Variants in FNDC3B observed in about 807,000 individuals in gnomAD.
FNDC3B encodes the protein fibronectin type III domain containing 3B, also known as fibronectin type III domain-containing protein 3B.
In FNDC3B, 12 loss-of-function variants were observed where a neutral mutation model predicts 151.5. The observed-to-expected ratio is 0.08, with a 90% CI of 0.05 to 0.13. The LOEUF is 0.13. Ranked by LOEUF, FNDC3B falls within the 10% of genes least tolerant of loss-of-function variation. The probability of loss-of-function intolerance (pLI) is 1.00; values close to 1 mark genes in which losing one functional copy is unlikely to be tolerated. For synonymous variants in FNDC3B, 528 were observed against 549.0 expected, an observed-to-expected ratio of 0.96 and a Z score of 0.54; for missense variants, 1,214 against 1,505.3, an observed-to-expected ratio of 0.81 and a Z score of 3.20.
chr3:172,281,061 AGG>A (rs10576197), intron 6 of FNDC3B, among the ~76,000 whole-genome samples: 29,790 of 151,762 alleles, frequency 0.2, 4,257 homozygotes, highest in African/African-American at 0.41. Context: ...ATTTCCAGAT[AGG>A]CTGGTTCTCA....
chr3:172,239,061 T>C (rs540513788), intron 4 of FNDC3B, among the ~76,000 whole-genome samples: 2 of 152,314 alleles, frequency 1.3e-5, no homozygotes, highest in South Asian at 4.1e-4. Context: ...TTATTTTTTT[T>C]TTTTTATTTT....
At chr3:172,384,636 TTC>T (rs1735616072) in intron 25 of FNDC3B, among the ~76,000 whole-genome samples, 1 of 152,222 alleles carries the variant, frequency 6.6e-6, no homozygotes, top group African/African-American at 2.4e-5. Context: ...TGGAAAAATG[TTC>T]TGCTTCCCAA....
chr3:172,281,401 C>T (rs545543275), intron 6 of FNDC3B, among the ~76,000 whole-genome samples: 11 of 152,236 alleles, frequency 7.2e-5, no homozygotes, highest in East Asian at 5.8e-4. Context: ...TGCGCCACCA[C>T]GCCCGGCTAA....
intron 3 of FNDC3B, among the ~76,000 whole-genome samples, chr3:172,148,153 A>G (rs927778094): frequency 1.3e-5 from 2 of 152,080 alleles, no homozygotes; most frequent in African/African-American, 2.4e-5. Flanking sequence ...CAGTTTCCCC[A>G]TAATAAGAAT....
At chr3:172,134,792 T>C (rs189515716) in intron 3 of FNDC3B, among the ~76,000 whole-genome samples, 24 of 152,302 alleles carry the variant, frequency 1.6e-4, no homozygotes, top group African/African-American at 5.5e-4. Context: ...TCCCAGAAAT[T>C]GATCTTTGGA....
intron 3 of FNDC3B, among the ~76,000 whole-genome samples, chr3:172,191,727 G>A (rs1019012768): frequency 1.3e-5 from 2 of 152,060 alleles, no homozygotes; most frequent in African/African-American, 4.8e-5. Context: ...GAACTTCTGG[G>A]CTCAAGTGAT....
chr3:172,066,277 A>C (rs1033947979), intron 1 of FNDC3B, among the ~76,000 whole-genome samples: 1 of 152,180 alleles, frequency 6.6e-6, no homozygotes, highest in African/African-American at 2.4e-5. Flanking sequence ...CGATAATGAT[A>C]CTAACACCAA....
chr3:172,083,525 G>A (rs1718387685), intron 1 of FNDC3B, among the ~76,000 whole-genome samples: 2 of 152,222 alleles, frequency 1.3e-5, no homozygotes, highest in Admixed American at 1.3e-4. Context: ...CAAAATGGCA[G>A]GATATGTAGA....
chr3:172,389,873 A>G (rs1196228392), intron 25 of FNDC3B, among the ~76,000 whole-genome samples: 5 of 152,216 alleles, frequency 3.3e-5, no homozygotes, highest in Non-Finnish European at 5.9e-5. Context: ...CAAAAAAAAG[A>G]AAAACTATTC....
rs1724781354 is a variant in FNDC3B, at chr3:172,195,628, A to G, written c.188-31243A>G. Among the ~76,000 whole-genome samples the G allele has an allele frequency of 2.0e-5, 3 of 152,216 alleles. No individual in the cohort carries two copies. The South Asian group carries it at 6.2e-4, about 31-fold the overall frequency. On this transcript the variant is annotated intron_variant, in intron 3 of 25. Transcript: ENST00000415807. Reference sequence around the variant, plus strand: ...TGGAGGTGCTTGTTTTCAGCAAATTACATTTTGAGAAACTCTGTTCTTGAC... The same window carrying G: ...TGGAGGTGCTTGTTTTCAGCAAATTGCATTTTGAGAAACTCTGTTCTTGAC...
intron 3 of FNDC3B, among the ~76,000 whole-genome samples, chr3:172,212,389 G>A (rs753644823): frequency 1.3e-5 from 2 of 151,828 alleles, no homozygotes; most frequent in East Asian, 1.9e-4. Flanking sequence ...ATTTTTTACC[G>A]CGTTCTTTCC....
intron 1 of FNDC3B, among the ~76,000 whole-genome samples, chr3:172,093,842 C>T (rs1718968501): frequency 6.6e-6 from 1 of 152,210 alleles, no homozygotes; most frequent in African/African-American, 2.4e-5. Flanking sequence ...TCTAGGCCTC[C>T]CTTCAGAGAT....
Position 172,344,105 on chromosome 3 carries a change from T to A in FNDC3B, c.2097T>A (p.Ser699Arg). ...HLEWDVPASE[S>R]GCEVSEYSVE... is the part of the protein sequence containing the mutation. ...TCCCAGATGTTCCTGCATCGGAAAG[T>A]GGCTGTGAGGTCTCAGAGTACAGCG... Residue 699 changes from serine to arginine, a missense_variant, in exon 19 of 26, where the codon AGT becomes AGA. Coordinates refer to ENST00000415807, the MANE Select transcript of FNDC3B (RefSeq NM_022763.4). 1 of 1,611,432 alleles carries A rather than the reference T, an allele frequency of 6.2e-7. No homozygotes were observed. The highest frequency in any genetic ancestry group is 1.1e-5 in the South Asian group (1 of 90,708).
In FNDC3B at chr3:172,346,400, T is replaced by A; in HGVS notation, c.2324T>A (p.Ile775Asn). The stretch of plus-strand genomic sequence containing the variant: ...CCTGGACAATGCAAAGCACCTTGTA[T>A]TTCTTGTACACCTGATGGATGTGTC... ...GPPGQCKAPC[I>N]SCTPDGCVLV... is the part of the protein sequence containing the mutation. Residue 775 changes from isoleucine to asparagine, a missense_variant, in exon 20 of 26, where the codon ATT becomes AAT. Coordinates refer to ENST00000415807, the MANE Select transcript of FNDC3B (RefSeq NM_022763.4). The A allele has an allele frequency of 6.2e-7, 1 of 1,613,716 alleles. No individual in the cohort carries two copies. The highest frequency in any genetic ancestry group is 8.5e-7 in the Non-Finnish European group (1 of 1,179,670).
At chr3:172,193,424 A>G (rs1724664504) in intron 3 of FNDC3B, among the ~76,000 whole-genome samples, 1 of 146,034 alleles carries the variant, frequency 6.8e-6, no homozygotes. Context: ...GATATTGCAG[A>G]ATATTTAGAT....
At chr3:172,117,634 C>T (rs1258572045) in intron 2 of FNDC3B, among the ~76,000 whole-genome samples, 1 of 152,172 alleles carries the variant, frequency 6.6e-6, no homozygotes, top group Admixed American at 6.5e-5. Flanking sequence ...TATCTGTGAC[C>T]TGCATGAGAG....
intron 3 of FNDC3B, among the ~76,000 whole-genome samples, chr3:172,136,476 C>T (rs999930815): frequency 6.6e-6 from 1 of 152,130 alleles, no homozygotes; most frequent in Non-Finnish European, 1.5e-5. Flanking sequence ...CTTCCAGCTC[C>T]AGCTCCAGCT....
intron 3 of FNDC3B, among the ~76,000 whole-genome samples, chr3:172,176,547 G>A (rs1723603599): frequency 2.0e-5 from 3 of 152,158 alleles, no homozygotes; most frequent in Admixed American, 2.0e-4. Context: ...TCATGTACAG[G>A]AAGAGGAAGG....
chr3:172,209,794 G>A (rs985900105), intron 3 of FNDC3B, among the ~76,000 whole-genome samples: 2 of 152,314 alleles, frequency 1.3e-5, no homozygotes, highest in Admixed American at 1.3e-4. Context: ...CATCCATGGC[G>A]CCCAGGCTGT....
Sources: gnomAD v4.1 joint callset for allele counts (sites outside exome capture counted in the v4.1 genomes callset) on GRCh38, gnomAD v4.1.1 for gene constraint, MANE v1.5 for transcripts, NCBI Gene and HGNC (gene_info 2026-07-23, HGNC 2026-07-21) for gene names.